Variants in TRPM8 observed in about 807,000 individuals in gnomAD.
The protein encoded by TRPM8 is transient receptor potential cation channel subfamily M member 8.
In TRPM8, 110 loss-of-function variants were observed where a neutral mutation model predicts 133.7. That is an observed-to-expected ratio of 0.82 (90% CI 0.70 to 0.96). TRPM8 has a LOEUF of 0.96. Among genes scored for constraint, TRPM8 ranks in the 40% least tolerant of loss-of-function variants. TRPM8 has a pLI of 0.00. For missense variants in TRPM8, 1,291 were observed against 1,379.5 expected, an observed-to-expected ratio of 0.94 and a Z score of 1.02; for synonymous variants, 535 against 532.3, an observed-to-expected ratio of 1.01 and a Z score of -0.07.
chr2:234,004,480 T>A (rs1692643707), intron 22 of TRPM8, among the ~76,000 whole-genome samples: 1 of 152,230 alleles, frequency 6.6e-6, no homozygotes, highest in African/African-American at 2.4e-5. Context: ...TATTTTGCTT[T>A]GCCTCCAAAT....
In TRPM8 at chr2:233,989,135, C is replaced by A. The variant is rs1170851480; in HGVS notation, c.2939+3270C>A. On this transcript the variant is annotated intron_variant, in intron 21 of 25. Transcript: ENST00000324695. This position sits in a 1 kb window ranked among gnomAD's most constrained non-coding sequence, Gnocchi z 4.2. The stretch of plus-strand genomic sequence containing the variant: ...TATTTAGAGCTTTTTTGAATCTATG[C>A]ACATGAGCTGTCTGAAGGAGCCATT... 6.6e-6 allele frequency among the ~76,000 whole-genome samples: 1 copy of A among 152,186 alleles called. No homozygotes were observed. The highest frequency in any genetic ancestry group is 2.4e-5 in the African/African-American group (1 of 41,452).
intron 3 of TRPM8, chr2:233,934,017 A>C (rs1009249638): frequency 3.6e-5 from 6 of 167,156 alleles, no homozygotes; most frequent in African/African-American, 7.2e-5. Flanking sequence ...TTATAGCTTT[A>C]GAAAATATTA....
At chr2:233,999,521 G>C (rs1193468647) in intron 22 of TRPM8, among the ~76,000 whole-genome samples, 5 of 151,802 alleles carry the variant, frequency 3.3e-5, no homozygotes, top group African/African-American at 1.2e-4. Context: ...GGCCCTGTTT[G>C]GCCATCGTGG....
chr2:233,979,555 G>A (rs879575281), intron 17 of TRPM8, among the ~76,000 whole-genome samples: 25 of 152,174 alleles, frequency 1.6e-4, no homozygotes, highest in Non-Finnish European at 2.4e-4. Context: ...AAAAGAGAAA[G>A]GATACTCTCT....
At chr2:233,931,497 T>C (rs1296330793) in intron 3 of TRPM8, among the ~76,000 whole-genome samples, 2 of 152,192 alleles carry the variant, frequency 1.3e-5, no homozygotes, top group Non-Finnish European at 1.5e-5. Flanking sequence ...AGGAAGGATA[T>C]AGAAATAAGG....
At chr2:233,951,035 T>A (rs28901650) in intron 9 of TRPM8, among the ~76,000 whole-genome samples, 4,556 of 150,704 alleles carry the variant, frequency 0.03, 222 homozygotes, top group African/African-American at 0.1. Flanking sequence ...ACCCCGTCCC[T>A]ACAAACAAAC....
At chr2:233,935,283 G>A (rs574199503) in intron 3 of TRPM8, among the ~76,000 whole-genome samples, 1 of 152,350 alleles carries the variant, frequency 6.6e-6, no homozygotes, top group South Asian at 2.1e-4. Flanking sequence ...AGCCTGTGCA[G>A]GGGATCCTTG....
intron 18 of TRPM8, 64 bp downstream of exon 18, chr2:233,980,343 T>G (rs552143639): frequency 8.9e-6 from 10 of 1,119,820 alleles, no homozygotes; most frequent in Admixed American, 2.5e-5. Flanking sequence ...AGAAAAGCTC[T>G]GCAGACATTT....
chr2:233,937,271 T>A, intron 3 of TRPM8, 82 bp from the exon 4 acceptor site: 3 of 1,511,134 alleles, frequency 2.0e-6, no homozygotes, highest in Non-Finnish European at 2.7e-6. Context: ...CCTTTGTGTG[T>A]CTATTTAAGC....
At chr2:233,945,250 G>C (rs950946023) in intron 6 of TRPM8, among the ~76,000 whole-genome samples, 3 of 152,162 alleles carry the variant, frequency 2.0e-5, no homozygotes, top group African/African-American at 7.2e-5. Context: ...TTTTGGTAAG[G>C]ATTCCTTTCT....
At chr2:233,988,304 G>T (rs539202082) in intron 21 of TRPM8, among the ~76,000 whole-genome samples, 1 of 151,930 alleles carries the variant, frequency 6.6e-6, no homozygotes, top group Admixed American at 6.6e-5. Context: ...ACAGAGCCAG[G>T]AATCATCTTT....
chr2:233,922,228 A>T (rs921454582), intron 1 of TRPM8, among the ~76,000 whole-genome samples: 2 of 152,142 alleles, frequency 1.3e-5, no homozygotes, highest in African/African-American at 4.8e-5. Flanking sequence ...TAGCTGTGCT[A>T]TGTGACTCTG....
chr2:233,998,040 T>A (rs895813700), intron 22 of TRPM8, among the ~76,000 whole-genome samples: 6 of 152,272 alleles, frequency 3.9e-5, no homozygotes, highest in Middle Eastern at 3.4e-3. Flanking sequence ...GGAAGGGGCC[T>A]GTTTTTATTT....
chr2:234,004,679 G>A lies in TRPM8; in HGVS notation c.3131-2174G>A, dbSNP rs536033583. Among the ~76,000 whole-genome samples the A allele has an allele frequency of 3.9e-5, 6 of 152,272 alleles. 1 individual carries two copies. The South Asian group carries it at 1.2e-3, about 32-fold the overall frequency. The stretch of plus-strand genomic sequence containing the variant: ...TTTCATAAAATGTATTATTTTGCAT[G>A]ATTCGGAAAGCAATCCATATTCATT... On this transcript the variant is annotated intron_variant, in intron 22 of 25. Transcript: ENST00000324695.
chr2:234,006,959 CA>C lies in TRPM8; in HGVS notation c.3230+8del. 4 of 1,608,738 alleles carry C rather than the reference CA, an allele frequency of 2.5e-6. No individual in the cohort carries two copies. In the South Asian group the frequency reaches 4.4e-5, roughly 18 times the overall value. On this transcript the variant is annotated splice_region_variant and intron_variant, in intron 23 of 25. Transcript: ENST00000324695. The stretch of plus-strand genomic sequence containing the variant: ...CCAACGACACCTCAGAGGAGTATGT[CA>C]GACATCCCTTTCTGCTTTGCAAGGC...
intron 21 of TRPM8, among the ~76,000 whole-genome samples, chr2:233,994,689 C>T (rs1248439744): frequency 6.6e-6 from 1 of 152,092 alleles, no homozygotes; most frequent in Non-Finnish European, 1.5e-5. Context: ...AGGTATCCGA[C>T]ATTTTTTTTT....
At chr2:233,997,218 G>A (rs17868401) in intron 22 of TRPM8, among the ~76,000 whole-genome samples, 18,154 of 150,376 alleles carry the variant, frequency 0.12, 1,262 homozygotes, top group East Asian at 0.25. Context: ...AGGATGCAGT[G>A]AGCCGAGATC....
intron 2 of TRPM8, among the ~76,000 whole-genome samples, chr2:233,927,708 CTCTTTCTTTCTTTCTT>C (rs1174628676): frequency 0.031 from 2,527 of 81,394 alleles, 209 homozygotes; most frequent in Middle Eastern, 0.078. Flanking sequence ...CAGAGTCTGT[CTCTTTCTTTCTTTCTT>C]TCTTTCTTTC....
At chr2:233,978,448 T>G (rs1472053286) in intron 17 of TRPM8, among the ~76,000 whole-genome samples, 1 of 152,192 alleles carries the variant, frequency 6.6e-6, no homozygotes, top group Non-Finnish European at 1.5e-5. Flanking sequence ...AACTGCAATT[T>G]CTTACAATCT....
Sources: gnomAD v4.1 joint callset for allele counts (sites outside exome capture counted in the v4.1 genomes callset) on GRCh38, gnomAD v4.1.1 for gene constraint, Gnocchi (gnomAD v3.1) non-coding constraint, MANE v1.5 for transcripts, NCBI Gene and HGNC (gene_info 2026-07-23, HGNC 2026-07-21) for gene names.